TSGA10: variants seen among roughly 807,000 people sequenced by gnomAD.
The protein encoded by TSGA10 is testis specific 10.
In TSGA10, 43 loss-of-function variants were observed where a neutral mutation model predicts 96.6. The observed-to-expected ratio is 0.44, with a 90% CI of 0.35 to 0.57. The LOEUF (loss-of-function observed/expected upper bound fraction) is 0.57. TSGA10 is among the 20% of genes least tolerant of loss of function. The pLI is 0.01. For missense variants in TSGA10, 703 were observed against 834.4 expected (o/e 0.84, Z 1.94); for synonymous variants, 229 against 269.9 (o/e 0.85, Z 1.48).
chr2:99,074,029 T>TTTTTTTTTTTTTTTTG lies in TSGA10; in HGVS notation c.883-957_883-956insCAAAAAAAAAAAAAAA, dbSNP rs1241657890. On this transcript the variant is annotated intron_variant, in intron 12 of 20. Transcript: ENST00000393483. ...TTTTTTTTTTTTTTTTTTTTTTTTT[T>TTTTTTTTTTTTTTTTG]GAGATGGAGTTTTGCTCTTGATGCC... Among the ~76,000 whole-genome samples the TTTTTTTTTTTTTTTTG allele has an allele frequency of 3.7e-5, 5 of 136,842 alleles. 1 individual carries two copies. The highest frequency in any genetic ancestry group is 1.4e-4 in the African/African-American group (5 of 35,058). 89.8% of individuals were successfully genotyped at this position (136,842 alleles called of 152,430 possible). A position where few individuals can be genotyped will look rare whatever the true frequency, so the allele number is the denominator to read the frequency against.
At chr2:99,018,054 C>T in intron 20 of TSGA10, 146 bp downstream of exon 20, 1 of 632,648 alleles carries the variant, frequency 1.6e-6, no homozygotes. Flanking sequence ...TATCAAAATC[C>T]TGTATTTTAT....
At chr2:99,022,996 T>C (rs1291927901) in intron 17 of TSGA10, among the ~76,000 whole-genome samples, 5 of 152,160 alleles carry the variant, frequency 3.3e-5, no homozygotes, top group Non-Finnish European at 7.4e-5. Context: ...ATTAATATCC[T>C]TTGCCTAATT....
chr2:99,140,481 GAAAA>G (rs537635393), intron 1 of TSGA10, among the ~76,000 whole-genome samples: 1,534 of 138,000 alleles, frequency 0.011, 10 homozygotes, highest in Middle Eastern at 0.03. Context: ...CCGAAGCTGC[GAAAA>G]AAAAAAAGTG....
Position 99,117,565 on chromosome 2 carries a change from G to A in TSGA10, c.-161C>T. The A allele has an allele frequency of 1.0e-6, 1 of 985,748 alleles. No homozygotes were observed. The highest frequency in any genetic ancestry group is 1.2e-6 in the Non-Finnish European group (1 of 829,896). 61.1% of individuals were successfully genotyped at this position (985,748 alleles called of 1,614,324 possible). Reference sequence around the variant, plus strand: ...GTACCTTGGCTTCTTCAAGTTCCTTGTTGGCGGAATCCACCACAAAATTTT... The same window carrying A: ...GTACCTTGGCTTCTTCAAGTTCCTTATTGGCGGAATCCACCACAAAATTTT... On this transcript the variant is annotated 5_prime_UTR_variant, in exon 4 of 21. Transcript: ENST00000393483.
At chr2:99,066,625 C>T (rs1165068876) in intron 15 of TSGA10, among the ~76,000 whole-genome samples, 1 of 152,112 alleles carries the variant, frequency 6.6e-6, no homozygotes, top group African/African-American at 2.4e-5. Flanking sequence ...AATGTCTCTC[C>T]TGTCCTCCAA....
intron 7 of TSGA10, 33 bp downstream of exon 7, chr2:99,108,800 A>T (rs752065987): frequency 6.9e-7 from 1 of 1,449,624 alleles, no homozygotes; most frequent in South Asian, 1.5e-5. Context: ...ACTCAATGTT[A>T]TTACTTATAT....
intron 20 of TSGA10, among the ~76,000 whole-genome samples, chr2:99,005,371 A>G (rs1277454213): frequency 6.6e-6 from 1 of 152,254 alleles, no homozygotes. Context: ...TGCAGAAGAC[A>G]TGATTGTATA....
chr2:99,135,219 T>G (rs1013963208), intron 1 of TSGA10, among the ~76,000 whole-genome samples: 2 of 152,206 alleles, frequency 1.3e-5, no homozygotes, highest in Admixed American at 6.5e-5. Context: ...CCCAGGGAGA[T>G]AGGAGTTTTA....
At chr2:99,081,835 T>A (rs2087553899) in intron 10 of TSGA10, among the ~76,000 whole-genome samples, 1 of 152,212 alleles carries the variant, frequency 6.6e-6, no homozygotes, top group Non-Finnish European at 1.5e-5. Flanking sequence ...AGTGAGAAGG[T>A]CAGACTAGAG....
At chr2:99,123,302 C>A (rs2092673851) in intron 2 of TSGA10, among the ~76,000 whole-genome samples, 2 of 152,078 alleles carry the variant, frequency 1.3e-5, no homozygotes, top group Non-Finnish European at 2.9e-5. Context: ...GCCATTATCT[C>A]ATCAAATTTT....
chr2:99,136,021 AGG>A lies in TSGA10; in HGVS notation c.-620-8847_-620-8846del, dbSNP rs1553505383. ...CGAGACTTCGTACCAAAAAAAAAAA[AGG>A]GTCTGCATCATAGAGTTGCGTGAGG... On this transcript the variant is annotated intron_variant, in intron 1 of 20. Transcript: ENST00000393483. Among the ~76,000 whole-genome samples, 2 of 148,280 alleles carry A rather than the reference AGG, an allele frequency of 1.3e-5. 1 individual carries two copies. Among genetic ancestry groups the A allele is most frequent in the Non-Finnish European group, 3.0e-5 (2 of 66,420 alleles).
At chr2:99,012,825 G>A (rs2079115492) in intron 20 of TSGA10, among the ~76,000 whole-genome samples, 1 of 151,978 alleles carries the variant, frequency 6.6e-6, no homozygotes, top group African/African-American at 2.4e-5. Flanking sequence ...TAGAACAAAC[G>A]GACTTAACAG....
intron 12 of TSGA10, among the ~76,000 whole-genome samples, chr2:99,073,295 G>A (rs1361316492): frequency 6.6e-6 from 1 of 152,068 alleles, no homozygotes; most frequent in Non-Finnish European, 1.5e-5. Context: ...GCTATACTTA[G>A]GTGTAATTAT....
At chr2:99,014,805 G>C (rs1034201817) in intron 20 of TSGA10, among the ~76,000 whole-genome samples, 2 of 152,142 alleles carry the variant, frequency 1.3e-5, no homozygotes, top group Admixed American at 1.3e-4. Flanking sequence ...TGAAACAGGA[G>C]ATATTACAAC....
intron 16 of TSGA10, among the ~76,000 whole-genome samples, chr2:99,039,658 C>T (rs1361720785): frequency 6.6e-6 from 1 of 152,022 alleles, no homozygotes; most frequent in Non-Finnish European, 1.5e-5. Context: ...GAAGAAAAGT[C>T]CAGGACCAGA....
intron 7 of TSGA10, among the ~76,000 whole-genome samples, chr2:99,106,965 GC>G (rs1488121855): frequency 1.3e-5 from 2 of 152,096 alleles, no homozygotes; most frequent in African/African-American, 4.8e-5. Context: ...TTTAACTCTT[GC>G]CTCTCTCTAC....
rs184358977 is a variant in TSGA10 at position 99,053,512 on chromosome 2, G to A, written c.1404+11427C>T. Among the ~76,000 whole-genome samples the A allele has an allele frequency of 2.0e-4, 31 of 152,174 alleles. No individual in the cohort carries two copies. In the East Asian group the frequency reaches 3.5e-3, roughly 17 times the overall value. On this transcript the variant is annotated intron_variant, in intron 16 of 20. Coordinates refer to ENST00000393483, the MANE Select transcript of TSGA10 (RefSeq NM_025244.4). ...GTTAACAGAATGAAGGATAAAAGTC[G>A]TATGATAATCTCAACACATGTAGAA...
intron 20 of TSGA10, among the ~76,000 whole-genome samples, chr2:99,013,676 T>G (rs949964208): frequency 6.6e-6 from 1 of 150,798 alleles, no homozygotes; most frequent in Admixed American, 6.6e-5. Context: ...GGAAATTACC[T>G]CCAAAAGGAA....
chr2:99,055,911 TAAC>T (rs2083931037), intron 16 of TSGA10, among the ~76,000 whole-genome samples: 1 of 104,988 alleles, frequency 9.5e-6, no homozygotes, highest in African/African-American at 3.5e-5. Flanking sequence ...ATAAAGAAAA[TAAC>T]AATAGTCGGC....
Sources: allele counts gnomAD v4.1 joint callset (sites outside exome capture counted in the v4.1 genomes callset), GRCh38; gene constraint gnomAD v4.1.1; transcripts MANE v1.5; gene names NCBI Gene and HGNC (gene_info 2026-07-23, HGNC 2026-07-21).